The following ADAM22 variants were observed in gnomAD, a reference collection of about 807,000 sequenced individuals.
ADAM22 encodes ADAM metallopeptidase domain 22.
ADAM22 carries 65 observed loss-of-function variants against 144.6 expected under a neutral mutation model. The ratio of observed to expected loss-of-function variants is 0.45; its 90% CI spans 0.37 to 0.55. The LOEUF is 0.55. Among genes scored for constraint, ADAM22 ranks in the 20% least tolerant of loss-of-function variants. ADAM22 has a pLI of 0.00. For synonymous variants in ADAM22, 391 were observed against 412.6 expected, an observed-to-expected ratio of 0.95 and a Z score of 0.63; for missense variants, 974 against 1,184.9, an observed-to-expected ratio of 0.82 and a Z score of 2.61.
intron 4 of ADAM22, among the ~76,000 whole-genome samples, chr7:88,086,400 T>C (rs1046647974): frequency 6.6e-6 from 1 of 152,192 alleles, no homozygotes; most frequent in Non-Finnish European, 1.5e-5. Flanking sequence ...ATCAGCCTCA[T>C]TGAAATCAGT....
intron 4 of ADAM22, among the ~76,000 whole-genome samples, chr7:88,083,804 G>C (rs1029263330): frequency 2.0e-5 from 3 of 152,044 alleles, no homozygotes; most frequent in African/African-American, 7.2e-5. Context: ...CGGAACTGAA[G>C]ATTGGTGAAT....
chr7:88,050,702 G>C (rs1202481372), intron 3 of ADAM22, among the ~76,000 whole-genome samples: 2 of 151,876 alleles, frequency 1.3e-5, no homozygotes, highest in African/African-American at 4.8e-5. Context: ...TTTTTGATGG[G>C]GTTGTTTGTT....
intron 3 of ADAM22, among the ~76,000 whole-genome samples, chr7:88,004,866 T>G (rs1405371621): frequency 6.6e-6 from 1 of 151,492 alleles, no homozygotes; most frequent in Non-Finnish European, 1.5e-5. Flanking sequence ...AAAATGACAT[T>G]TTTTCCAAAT....
intron 20 of ADAM22, among the ~76,000 whole-genome samples, chr7:88,152,064 T>A (rs1229560003): frequency 6.6e-6 from 1 of 152,196 alleles, no homozygotes; most frequent in African/African-American, 2.4e-5. Flanking sequence ...TTAATAGTTA[T>A]AAGTAGGTGC....
intron 2 of ADAM22, among the ~76,000 whole-genome samples, chr7:87,970,722 G>A (rs1010046956): frequency 1.3e-5 from 2 of 152,150 alleles, no homozygotes; most frequent in African/African-American, 2.4e-5. Flanking sequence ...AAATGCATGA[G>A]AAACGAGTGT....
At chr7:88,074,607 A>G (rs1813717942) in intron 3 of ADAM22, among the ~76,000 whole-genome samples, 2 of 152,342 alleles carry the variant, frequency 1.3e-5, no homozygotes, top group East Asian at 1.9e-4. Flanking sequence ...AGCTGATTCT[A>G]ACATAAAGTC....
intron 31 of ADAM22, among the ~76,000 whole-genome samples, chr7:88,195,738 C>G (rs947841858): frequency 6.6e-6 from 1 of 151,962 alleles, no homozygotes; most frequent in Non-Finnish European, 1.5e-5. Flanking sequence ...AGGATGGTCT[C>G]GATCTCCTGA....
Position 88,153,287 on chromosome 7 carries a change from G to T in ADAM22, c.1748G>T (p.Cys583Phe). 1 of 1,613,532 alleles carries T rather than the reference G, an allele frequency of 6.2e-7. No homozygotes were observed. The highest frequency in any genetic ancestry group is 8.5e-7 in the Non-Finnish European group (1 of 1,179,700). The part of the protein sequence containing the change: ...LNIEGTEKGN[C>F]GKDKDTWIQC... The stretch of plus-strand genomic sequence containing the variant: ...ATTGAAGGGACGGAGAAGGGTAACT[G>T]TGGGAAAGACAAAGACACATGGATA... Residue 583 changes from cysteine to phenylalanine, a missense_variant, in exon 21 of 32, where the codon TGT becomes TTT. By Grantham distance (205) the Cys-to-Phe change is radical. Around this residue, in one of 2 missense-constraint regions of ADAM22, gnomAD observed 734 missense variants for 950.6 expected, o/e 0.77. Transcript: ENST00000413139.
Position 87,934,316 on chromosome 7 carries a change from A to T in ADAM22, c.-150A>T, listed in dbSNP as rs554209639. The T allele has an allele frequency of 1.6e-6, 1 of 629,408 alleles. No individual in the cohort carries two copies. The highest frequency in any genetic ancestry group is 2.6e-6 in the Non-Finnish European group (1 of 383,612). The allele number at this position is 629,408 out of a possible 1,614,324, so 39.0% of individuals were successfully genotyped here. A position where few individuals can be genotyped will look rare whatever the true frequency, so the allele number is the denominator to read the frequency against. The stretch of plus-strand genomic sequence containing the variant: ...ACAATGCAGCACTGAGCCGCGGTGG[A>T]GGTTGCAGCGCCACGGCCGCCGCAG... On this transcript the variant is annotated 5_prime_UTR_variant, in exon 1 of 32. Coordinates refer to ENST00000413139, the MANE Select transcript of ADAM22 (RefSeq NM_001324418.2).
intron 2 of ADAM22, among the ~76,000 whole-genome samples, chr7:87,973,480 A>C (rs1208395035): frequency 6.6e-6 from 1 of 151,998 alleles, no homozygotes; most frequent in African/African-American, 2.4e-5. Context: ...ACACTTTTAC[A>C]CTGTTGGTGG....
intron 3 of ADAM22, among the ~76,000 whole-genome samples, chr7:87,994,457 G>A (rs1437768217): frequency 1.3e-5 from 2 of 152,018 alleles, no homozygotes; most frequent in Non-Finnish European, 2.9e-5. Context: ...CACCGCGCCC[G>A]GCCTAGTTAC....
intron 4 of ADAM22, among the ~76,000 whole-genome samples, chr7:88,084,454 T>G (rs1477954395): frequency 6.6e-6 from 1 of 152,204 alleles, no homozygotes; most frequent in African/African-American, 2.4e-5. Context: ...CCTCCATTTG[T>G]TTCCACTCCA....
chr7:88,091,158 C>T (rs1008719792), intron 4 of ADAM22, among the ~76,000 whole-genome samples: 4 of 152,118 alleles, frequency 2.6e-5, no homozygotes, highest in Non-Finnish European at 4.4e-5. Context: ...CTAACTCAGT[C>T]TTAGGGGCAA....
At chr7:88,017,079 A>G (rs767424804) in intron 3 of ADAM22, among the ~76,000 whole-genome samples, 3 of 152,164 alleles carry the variant, frequency 2.0e-5, no homozygotes, top group Non-Finnish European at 2.9e-5. Flanking sequence ...TGAGCGCACC[A>G]CTGTACTCCA....
intron 21 of ADAM22, 128 bp downstream of exon 21, chr7:88,153,454 TC>T: frequency 1.5e-6 from 1 of 675,410 alleles, no homozygotes; most frequent in Non-Finnish European, 2.5e-6. Flanking sequence ...CCTCATCTCT[TC>T]CCAGTGTTCC....
chr7:88,136,977 A>G (rs1381994897), intron 14 of ADAM22, among the ~76,000 whole-genome samples: 1 of 152,110 alleles, frequency 6.6e-6, no homozygotes, highest in Non-Finnish European at 1.5e-5. Flanking sequence ...TTAAAAAGTA[A>G]AATACTGCAT....
chr7:88,045,703 A>C (rs1444784970), intron 3 of ADAM22, among the ~76,000 whole-genome samples: 2 of 152,076 alleles, frequency 1.3e-5, no homozygotes, highest in Non-Finnish European at 2.9e-5. Context: ...CTTCCTCCAG[A>C]GTCTGGCACC....
At chr7:87,972,620 C>T (rs1366191332) in intron 2 of ADAM22, among the ~76,000 whole-genome samples, 135 of 152,220 alleles carry the variant, frequency 8.9e-4, no homozygotes, top group African/African-American at 2.6e-3. Context: ...GAGCCCGCAT[C>T]GCCAAGTCAA....
intron 3 of ADAM22, among the ~76,000 whole-genome samples, chr7:87,985,019 A>G (rs1424713868): frequency 1.3e-5 from 2 of 148,712 alleles, no homozygotes; most frequent in African/African-American, 5.0e-5. Flanking sequence ...TTTTTTTTTT[A>G]AAGAATTTTA....
Sources: allele counts gnomAD v4.1 joint callset (sites outside exome capture counted in the v4.1 genomes callset), GRCh38; gene constraint gnomAD v4.1.1; regional missense constraint gnomAD v4.1.1; transcripts MANE v1.5; gene names NCBI Gene and HGNC (gene_info 2026-07-23, HGNC 2026-07-21).